Variants in PRDM2 observed in about 807,000 individuals in gnomAD.
PRDM2 encodes the protein PR domain zinc finger protein 2.
A neutral mutation model predicts 130.0 loss-of-function variants in PRDM2; 30 were observed. That is an observed-to-expected ratio of 0.23 (90% confidence interval 0.17 to 0.31). The LOEUF (loss-of-function observed/expected upper bound fraction) is 0.31. Among genes scored for constraint, PRDM2 ranks in the 10% least tolerant of loss-of-function variants. PRDM2 has a pLI of 1.00. For missense variants in PRDM2, 2,011 were observed against 2,108.4 expected (o/e 0.95, Z 0.90); for synonymous variants, 871 against 782.4 (o/e 1.11, Z -1.89).
intron 2 of PRDM2, among the ~76,000 whole-genome samples, chr1:13,719,129 T>A (rs1642643299): frequency 6.6e-6 from 1 of 152,158 alleles, no homozygotes; most frequent in African/African-American, 2.4e-5. Flanking sequence ...GATCTTGTTA[T>A]AAAGGATGAT....
intron 6 of PRDM2, among the ~76,000 whole-genome samples, chr1:13,758,023 A>T (rs1569894214): frequency 1.3e-5 from 2 of 152,118 alleles, no homozygotes; most frequent in African/African-American, 4.8e-5. Context: ...TCTTTATCCC[A>T]CAATAGATTC....
intron 8 of PRDM2, chr1:13,788,170 A>T (rs972308897): frequency 2.3e-6 from 2 of 888,482 alleles, no homozygotes; most frequent in African/African-American, 3.6e-5. Flanking sequence ...CCCGCACTCT[A>T]ATTTAAAAGT....
At chr1:13,795,278 G>C (rs1379445432) in intron 8 of PRDM2, among the ~76,000 whole-genome samples, 1 of 152,184 alleles carries the variant, frequency 6.6e-6, no homozygotes, top group Non-Finnish European at 1.5e-5. Context: ...GGCTTTCCAT[G>C]TATTACCTCA....
rs746581471 is a variant in PRDM2 at position 13,779,682 on chromosome 1, G to A, written c.1887G>A (p.Leu629=). ...PVTEDLPKEP[L]GSTNSEAKKR... ...CAGAAGATCTTCCTAAAGAGCCTTTGGGCAGCACAAATAGTGAGGCCAAGA... is the reference window on the plus strand; with the variant it reads ...CAGAAGATCTTCCTAAAGAGCCTTTAGGCAGCACAAATAGTGAGGCCAAGA... The change falls in exon 8 of 10, where the codon TTG becomes TTA. Residue 629 remains leucine, a synonymous_variant. Transcript: ENST00000311066. This position sits in a 1 kb window ranked among gnomAD's most constrained non-coding sequence, Gnocchi z 4.9. 1.5e-5 allele frequency: 25 copies of A among 1,613,972 alleles called. No homozygotes were observed. The Admixed American group carries it at 4.0e-4, about 26-fold the overall frequency.
chr1:13,748,487 C>T (rs1156645183), intron 5 of PRDM2, among the ~76,000 whole-genome samples: 1 of 152,180 alleles, frequency 6.6e-6, no homozygotes, highest in Non-Finnish European at 1.5e-5. Context: ...TCATTTTATT[C>T]AGTGGGTTTT....
At position 13,823,291 on chromosome 1, in the gene PRDM2, G is replaced by A. The variant is rs920433920; in HGVS notation, c.*156G>A. 130 of 1,317,130 alleles carry A rather than the reference G, an allele frequency of 9.9e-5. No individual in the cohort carries two copies. The highest frequency in any genetic ancestry group is 1.1e-4 in the Admixed American group (6 of 52,908). The allele number at this position is 1,317,130 out of a possible 1,614,324, so 81.6% of individuals were successfully genotyped here. ...TGTGCGCGCGTGCATGTGTGCGTGC[G>A]TGTGTGTTCACGTGTTCTCGTGCGG... On this transcript the variant is annotated 3_prime_UTR_variant, in exon 10 of 10. Transcript: ENST00000311066.
chr1:13,779,364 G>A lies in PRDM2; in HGVS notation c.1569G>A (p.Glu523=). ...TACGGCGAAAAGGAGGCCTTGAAGAGCCCCAGCCTCCAGCAGAACAGGCCC... is the reference window on the plus strand; with the variant it reads ...TACGGCGAAAAGGAGGCCTTGAAGAACCCCAGCCTCCAGCAGAACAGGCCC... ...KGVRRKGGLE[E]PQPPAEQAQA... is the part of the protein sequence containing the mutation. Residue 523 remains glutamate (E), a synonymous_variant, in exon 8 of 10, where the codon GAG becomes GAA. Coordinates refer to ENST00000311066, the MANE Select transcript of PRDM2 (RefSeq NM_001393986.1). This position sits in a 1 kb window ranked among gnomAD's most constrained non-coding sequence, Gnocchi z 4.9. The A allele has an allele frequency of 1.2e-6, 2 of 1,614,136 alleles. No homozygotes were observed. Among genetic ancestry groups the A allele is most frequent in the Non-Finnish European group, 1.7e-6 (2 of 1,180,020 alleles).
At chr1:13,740,782 G>C (rs1643413918) in intron 4 of PRDM2, among the ~76,000 whole-genome samples, 1 of 152,172 alleles carries the variant, frequency 6.6e-6, no homozygotes, top group African/African-American at 2.4e-5. Flanking sequence ...GAGGAAGAAG[G>C]CAGTGTTAGG....
At chr1:13,727,202 C>T (rs1032126929) in intron 2 of PRDM2, among the ~76,000 whole-genome samples, 3 of 152,154 alleles carry the variant, frequency 2.0e-5, no homozygotes, top group Non-Finnish European at 4.4e-5. Flanking sequence ...GATTCCCTTT[C>T]TACTTCTAGA....
chr1:13,813,280 C>T (rs141990985), intron 8 of PRDM2, among the ~76,000 whole-genome samples: 3 of 152,310 alleles, frequency 2.0e-5, no homozygotes, highest in South Asian at 2.1e-4. Context: ...TGAGGCTCTG[C>T]GCTAACTGCT....
intron 6 of PRDM2, among the ~76,000 whole-genome samples, chr1:13,769,778 T>C (rs1377100362): frequency 1.3e-5 from 2 of 152,238 alleles, no homozygotes; most frequent in African/African-American, 2.4e-5. Context: ...ATTAGTGTTA[T>C]TCAAGTACTT....
At chr1:13,818,572 A>G (rs1329663147) in intron 9 of PRDM2, among the ~76,000 whole-genome samples, 1 of 148,902 alleles carries the variant, frequency 6.7e-6, no homozygotes, top group Non-Finnish European at 1.5e-5. Context: ...ATTTTAGTAG[A>G]GACGGGGTTT....
At chr1:13,757,550 A>G (rs1643986864) in intron 6 of PRDM2, among the ~76,000 whole-genome samples, 1 of 152,188 alleles carries the variant, frequency 6.6e-6, no homozygotes, top group Admixed American at 6.5e-5. Flanking sequence ...TTCCACCAAT[A>G]AAAATACACA....
chr1:13,773,059 A>T lies in PRDM2; in HGVS notation c.512-19A>T, dbSNP rs577013780. ...TAAAAAAAAAATGAATGAATAAATT[A>T]AAAAAAATTGTGTTTCAGGGAAGAA... On this transcript the variant is annotated intron_variant, in intron 6 of 9. Coordinates refer to ENST00000311066, the MANE Select transcript of PRDM2 (RefSeq NM_001393986.1). 223 of 1,336,292 alleles carry T rather than the reference A, an allele frequency of 1.7e-4. No individual in the cohort carries two copies. Among genetic ancestry groups the T allele is most frequent in the Middle Eastern group, 5.6e-4 (3 of 5,356 alleles). The allele number at this position is 1,336,292 out of a possible 1,614,324, so 82.8% of individuals were successfully genotyped here.
At chr1:13,719,772 T>A (rs1296690762) in intron 2 of PRDM2, among the ~76,000 whole-genome samples, 1 of 126,124 alleles carries the variant, frequency 7.9e-6, no homozygotes, top group Non-Finnish European at 1.7e-5. Flanking sequence ...TTCAGTAAAC[T>A]GAAGCTTGTT....
Position 13,779,135 on chromosome 1 carries a change from G to A in PRDM2, c.1340G>A (p.Ser447Asn), listed in dbSNP as rs1410791040. The change falls in exon 8 of 10, where the codon AGT becomes AAT. Residue 447 changes from serine to asparagine, a missense_variant. By Grantham distance (46) the Ser-to-Asn change is conservative. Coordinates refer to ENST00000311066, the MANE Select transcript of PRDM2 (RefSeq NM_001393986.1). The surrounding 1 kb of genome is among the most constrained non-coding windows in gnomAD (Gnocchi z 4.9). ...GENVASKDDS[S>N]PPSLGPDCLI... ...AACGTTGCTTCAAAAGATGATTCGAGTCCTCCCAGTCTTGGGCCAGACTGT... is the reference window on the plus strand; with the variant it reads ...AACGTTGCTTCAAAAGATGATTCGAATCCTCCCAGTCTTGGGCCAGACTGT... The A allele has an allele frequency of 3.1e-6, 5 of 1,614,198 alleles. No individual in the cohort carries two copies. Among genetic ancestry groups the A allele is most frequent in the South Asian group, 1.1e-5 (1 of 91,084 alleles).
In PRDM2 at chr1:13,781,077, T is replaced by C; in HGVS notation, c.3282T>C (p.Ser1094=). ...VVSSGDNLEA[S]LPMISFKQEE... is the part of the protein sequence containing the mutation. ...CCTCTGGTGATAATCTGGAGGCTTC[T>C]CTCCCCATGATATCTTTCAAACAGG... Residue 1094 remains serine, a synonymous_variant, in exon 8 of 10, where the codon TCT becomes TCC. Transcript: ENST00000311066. The surrounding 1 kb of genome is among the most constrained non-coding windows in gnomAD (Gnocchi z 6.1). The C allele has an allele frequency of 6.2e-7, 1 of 1,613,628 alleles. No individual in the cohort carries two copies. The highest frequency in any genetic ancestry group is 2.2e-5 in the East Asian group (1 of 44,866).
At position 13,780,009 on chromosome 1, in the gene PRDM2, C is replaced by CTCTCCTCCCAGT. The variant is rs1553161410; in HGVS notation, c.2220_2231dup (p.Pro741_Pro744dup). On this transcript the variant is annotated inframe_insertion, in exon 8 of 10. Transcript: ENST00000311066. ...CAAGTAGGTTTAAGAGGCGGACCAG[C>CTCTCCTCCCAGT]TCTCCTCCCAGTTCTCCACAGCACA... 1 of 1,614,090 alleles carries CTCTCCTCCCAGT rather than the reference C, an allele frequency of 6.2e-7. No individual in the cohort carries two copies. The highest frequency in any genetic ancestry group is 1.7e-5 in the Admixed American group (1 of 60,014).
chr1:13,761,731 GT>G (rs372004631), intron 6 of PRDM2, among the ~76,000 whole-genome samples: 7 of 152,082 alleles, frequency 4.6e-5, no homozygotes, highest in African/African-American at 1.7e-4. Flanking sequence ...AGTATGTTCA[GT>G]TTTCAAACTC....
Sources: allele counts gnomAD v4.1 joint callset (sites outside exome capture counted in the v4.1 genomes callset), GRCh38; gene constraint gnomAD v4.1.1; non-coding constraint Gnocchi (gnomAD v3.1); transcripts MANE v1.5; gene names NCBI Gene and HGNC (gene_info 2026-07-23, HGNC 2026-07-21).